Variants in LRRTM4 observed in about 807,000 individuals in gnomAD.
LRRTM4 encodes the protein leucine rich repeat transmembrane neuronal 4.
A neutral mutation model predicts 47.6 loss-of-function variants in LRRTM4; 25 were observed. That is an observed-to-expected ratio of 0.53 (90% CI 0.38 to 0.73). The LOEUF (loss-of-function observed/expected upper bound fraction) is 0.73, where lower values mean the gene tolerates loss of function less well. LRRTM4 is among the 30% of genes least tolerant of loss of function. The pLI, the probability that LRRTM4 is intolerant of heterozygous loss-of-function variation, is 0.00. For missense variants in LRRTM4, 638 were observed against 713.4 expected, an observed-to-expected ratio of 0.89 and a Z score of 1.20; for synonymous variants, 311 against 269.5, an observed-to-expected ratio of 1.15 and a Z score of -1.51.
chr2:77,400,368 C>A (rs1193297990), intron 3 of LRRTM4, among the ~76,000 whole-genome samples: 1 of 151,780 alleles, frequency 6.6e-6, no homozygotes, highest in African/African-American at 2.4e-5. Flanking sequence ...TCAGAACTGT[C>A]ATTGATTTCT....
At chr2:77,149,277 A>T (rs1342583648) in intron 3 of LRRTM4, among the ~76,000 whole-genome samples, 4 of 152,170 alleles carry the variant, frequency 2.6e-5, no homozygotes, top group South Asian at 2.1e-4. Flanking sequence ...TTTTAGACAT[A>T]TTGAGCTAAA....
intron 3 of LRRTM4, among the ~76,000 whole-genome samples, chr2:77,114,032 T>TG (rs1305538796): frequency 6.6e-6 from 1 of 151,520 alleles, no homozygotes; most frequent in African/African-American, 2.4e-5. Flanking sequence ...CATCATCAGG[T>TG]GGGGGAGGAG....
intron 3 of LRRTM4, among the ~76,000 whole-genome samples, chr2:77,423,968 T>TA (rs1264869061): frequency 1.3e-5 from 2 of 152,194 alleles, no homozygotes; most frequent in Non-Finnish European, 2.9e-5. Flanking sequence ...GCTGTATCCA[T>TA]TAAGCTGTCA....
At chr2:77,116,267 TG>T (rs1671386802) in intron 3 of LRRTM4, among the ~76,000 whole-genome samples, 1 of 150,868 alleles carries the variant, frequency 6.6e-6, no homozygotes, top group African/African-American at 2.4e-5. Flanking sequence ...TATTTGAGTT[TG>T]AAAAAAAAAA....
intron 3 of LRRTM4, among the ~76,000 whole-genome samples, chr2:76,988,368 A>T (rs1241860990): frequency 2.6e-5 from 4 of 151,792 alleles, no homozygotes; most frequent in Admixed American, 2.0e-4. Flanking sequence ...CTAAAACCTA[A>T]ATCGGGGCAT....
intron 3 of LRRTM4, among the ~76,000 whole-genome samples, chr2:76,923,457 A>AT (rs1332167285): frequency 1.3e-5 from 2 of 152,034 alleles, no homozygotes; most frequent in African/African-American, 4.8e-5. Flanking sequence ...AGCAAAAAAA[A>AT]GACAGGGTGT....
chr2:76,920,266 A>T lies in LRRTM4; in HGVS notation c.1552-171350T>A, dbSNP rs116366010. Among the ~76,000 whole-genome samples the T allele has an allele frequency of 5.9e-3, 898 of 152,256 alleles. 15 individuals are homozygous for T. The highest frequency in any genetic ancestry group is 0.021 in the African/African-American group (858 of 41,560). On this transcript the variant is annotated intron_variant, in intron 3 of 3. Transcript: ENST00000409884. The stretch of plus-strand genomic sequence containing the variant: ...TATAGAAATAAAAATATTTTCACCA[A>T]AAAGTATAAACATTGATGTAAACCT...
At chr2:77,323,604 G>A (rs1670639384) in intron 3 of LRRTM4, among the ~76,000 whole-genome samples, 1 of 152,078 alleles carries the variant, frequency 6.6e-6, no homozygotes, top group Non-Finnish European at 1.5e-5. Context: ...GTGCTAAATG[G>A]TTCATTGGGA....
intron 3 of LRRTM4, among the ~76,000 whole-genome samples, chr2:77,065,439 A>G (rs1033687105): frequency 6.6e-6 from 1 of 152,164 alleles, no homozygotes; most frequent in Non-Finnish European, 1.5e-5. Context: ...GACCTTTTTT[A>G]TTAGGTCTTA....
chr2:77,089,766 A>G (rs936200274), intron 3 of LRRTM4, among the ~76,000 whole-genome samples: 5 of 152,074 alleles, frequency 3.3e-5, no homozygotes, highest in Non-Finnish European at 5.9e-5. Context: ...CTTGACCCCA[A>G]TACAAACTCG....
At chr2:76,914,862 G>A (rs77048741) in intron 3 of LRRTM4, among the ~76,000 whole-genome samples, 5,914 of 152,182 alleles carry the variant, frequency 0.039, 252 homozygotes, top group East Asian at 0.13. Flanking sequence ...TTAATAAAGA[G>A]CAAAGGCTCT....
At chr2:77,180,752 A>G (rs1464495599) in intron 3 of LRRTM4, among the ~76,000 whole-genome samples, 1 of 152,104 alleles carries the variant, frequency 6.6e-6, no homozygotes, top group African/African-American at 2.4e-5. Flanking sequence ...GATGATATCT[A>G]CTTGTCATAA....
intron 3 of LRRTM4, among the ~76,000 whole-genome samples, chr2:77,439,458 T>C (rs1175536125): frequency 6.6e-6 from 1 of 152,056 alleles, no homozygotes; most frequent in Non-Finnish European, 1.5e-5. Flanking sequence ...GATTTTTTTC[T>C]AGCAAGAAAA....
At chr2:77,023,215 G>T (rs116694618) in intron 3 of LRRTM4, among the ~76,000 whole-genome samples, 1,878 of 152,336 alleles carry the variant, frequency 0.012, 41 homozygotes, top group African/African-American at 0.043. Flanking sequence ...TGGCTGAGAT[G>T]CAGGGCACCA....
chr2:76,945,104 T>C (rs1573350989), intron 3 of LRRTM4, among the ~76,000 whole-genome samples: 1 of 152,036 alleles, frequency 6.6e-6, no homozygotes, highest in Non-Finnish European at 1.5e-5. Context: ...ACAGATAAAG[T>C]AAAAATCAGC....
intron 3 of LRRTM4, among the ~76,000 whole-genome samples, chr2:76,976,587 G>A (rs1386288089): frequency 6.6e-6 from 1 of 151,450 alleles, no homozygotes; most frequent in Non-Finnish European, 1.5e-5. Context: ...TCTAAATATT[G>A]CTGTGGCCTA....
chr2:77,034,025 T>G (rs907008403), intron 3 of LRRTM4, among the ~76,000 whole-genome samples: 1 of 151,760 alleles, frequency 6.6e-6, no homozygotes, highest in East Asian at 1.9e-4. Flanking sequence ...ACCTTTATTA[T>G]TGATAATTAA....
chr2:76,790,141 T>C (rs528062996), intron 3 of LRRTM4, among the ~76,000 whole-genome samples: 2 of 152,312 alleles, frequency 1.3e-5, no homozygotes, highest in East Asian at 3.9e-4. Flanking sequence ...CAAAGCAGTT[T>C]TTCCCAGACT....
rs140166072 is a variant in LRRTM4 at position 77,266,986 on chromosome 2, T to C, written c.1551+251332A>G. ...ACACACTGACATTTGATCAAAGGGG[T>C]CCTTCCCCACCAAACAAACAGAAAC... On this transcript the variant is annotated intron_variant, in intron 3 of 3. Transcript: ENST00000409884. 5.2e-3 allele frequency among the ~76,000 whole-genome samples: 794 copies of C among 151,884 alleles called. 10 individuals are homozygous for C. Among genetic ancestry groups the C allele is most frequent in the African/African-American group, 0.019 (770 of 41,436 alleles).
Sources: allele counts gnomAD v4.1 joint callset (sites outside exome capture counted in the v4.1 genomes callset), GRCh38; gene constraint gnomAD v4.1.1; transcripts MANE v1.5; gene names NCBI Gene and HGNC (gene_info 2026-07-23, HGNC 2026-07-21).